ABCA8: variants seen among roughly 807,000 people sequenced by gnomAD.
The protein encoded by ABCA8 is ATP binding cassette subfamily A member 8.
Under a neutral mutation model 192.3 loss-of-function variants are expected in ABCA8, and 177 were observed. The ratio of observed to expected loss-of-function variants is 0.92; its 90% CI spans 0.81 to 1.04. ABCA8 has a LOEUF of 1.04. ABCA8 is among the 50% of genes least tolerant of loss of function. The pLI, the probability that ABCA8 is intolerant of heterozygous loss-of-function variation, is 0.00. For synonymous variants in ABCA8, 642 were observed against 690.2 expected (o/e 0.93, Z 1.09); for missense variants, 1,915 against 1,904.8 (o/e 1.01, Z -0.10).
chr17:68,876,621 C>G lies in ABCA8; in HGVS notation c.4275+7G>C. Reference sequence around the variant, plus strand: ...ACTTGCAGAGCAACACCAAGCCCTGCCCGTACCTTTCTCTTTATTCCCTCT... The same window carrying G: ...ACTTGCAGAGCAACACCAAGCCCTGGCCGTACCTTTCTCTTTATTCCCTCT... On this transcript the variant is annotated splice_region_variant and intron_variant, in intron 34 of 39. Transcript: ENST00000586539. The G allele has an allele frequency of 6.2e-7, 1 of 1,614,158 alleles. No individual in the cohort carries two copies. Among genetic ancestry groups the G allele is most frequent in the Non-Finnish European group, 8.5e-7 (1 of 1,180,014 alleles).
chr17:68,870,848 G>C (rs983906391), intron 37 of ABCA8, among the ~76,000 whole-genome samples: 1 of 152,080 alleles, frequency 6.6e-6, no homozygotes, highest in Non-Finnish European at 1.5e-5. Flanking sequence ...CAGTTCTTTT[G>C]GATACATACC....
At chr17:68,884,511 T>A in intron 27 of ABCA8, 115 bp from the exon 28 acceptor site, 1 of 1,392,390 alleles carries the variant, frequency 7.2e-7, no homozygotes. Flanking sequence ...GAATATCACC[T>A]AAGTGTCCTT....
intron 7 of ABCA8, among the ~76,000 whole-genome samples, chr17:68,930,387 T>C (rs997072042): frequency 6.6e-6 from 1 of 152,236 alleles, no homozygotes; most frequent in African/African-American, 2.4e-5. Flanking sequence ...ATTGTTTTTG[T>C]TAAGAAAGAT....
At chr17:68,891,398 A>G in intron 24 of ABCA8, 91 bp downstream of exon 24, 1 of 835,012 alleles carries the variant, frequency 1.2e-6, no homozygotes, top group Non-Finnish European at 1.9e-6. Flanking sequence ...TGTTCAATTA[A>G]GCATGTAGAA....
intron 21 of ABCA8, among the ~76,000 whole-genome samples, chr17:68,899,049 T>A (rs191256205): frequency 6.6e-6 from 1 of 152,136 alleles, no homozygotes; most frequent in Admixed American, 6.5e-5. Context: ...AAGATGTACA[T>A]TCTAGGCCCA....
At position 68,881,802 on chromosome 17, in the gene ABCA8, T is replaced by TAGGAACC. The variant is rs1465963591; in HGVS notation, c.3946+54_3946+60dup. On this transcript the variant is annotated intron_variant, in intron 31 of 39. Transcript: ENST00000586539. ...AGGTGGTTTCCAGAATAATGCTCAT[T>TAGGAACC]AGGAACCAGGAACCTCTGAGGAGGG... 7 of 1,218,622 alleles carry TAGGAACC rather than the reference T, an allele frequency of 5.7e-6. No individual in the cohort carries two copies. In the East Asian group the frequency reaches 1.6e-4, roughly 28 times the overall value. 75.5% of individuals were successfully genotyped at this position (1,218,622 alleles called of 1,614,324 possible).
At position 68,927,977 on chromosome 17, in the gene ABCA8, C is replaced by T; in HGVS notation, c.1212G>A (p.Met404Ile). Reference protein sequence around the residue: ...GSNLIVATNFMLAFDTCLYLA... With the variant: ...GSNLIVATNFILAFDTCLYLA... ...GATAGAGGCAAGTGTCAAATGCCAA[C>T]ATGAAATTTGTTGCTACAATGAGAT... Residue 404 changes from methionine (M) to isoleucine (I), a missense_variant, in exon 10 of 40, where the codon ATG becomes ATA. Transcript: ENST00000586539. 5 of 1,608,406 alleles carry T rather than the reference C, an allele frequency of 3.1e-6. No homozygotes were observed. Among genetic ancestry groups the T allele is most frequent in the South Asian group, 2.2e-5 (2 of 89,266 alleles).
rs760688352 is a variant in ABCA8 at position 68,907,873 on chromosome 17, C to T, written c.2145G>A (p.Gln715=). The T allele has an allele frequency of 6.4e-7, 1 of 1,562,542 alleles. No individual in the cohort carries two copies. Among genetic ancestry groups the T allele is most frequent in the South Asian group, 1.2e-5 (1 of 80,712 alleles). Residue 715 remains glutamine (Q), a synonymous_variant, in exon 18 of 40, where the codon CAG becomes CAA. Transcript: ENST00000586539. ...KWGIGYHLSL[Q]LNEICVEENI... is the part of the protein sequence containing the mutation. ...TTTCCTCAACACATATTTCATTTAA[C>T]TGCAAGCTGGCATTCAGAAAAAAAA...
In ABCA8 at chr17:68,933,813, T is replaced by G. The variant is rs148530881; in HGVS notation, c.467-542A>C. 1.6e-3 allele frequency among the ~76,000 whole-genome samples: 241 copies of G among 152,308 alleles called. 7 individuals carry two copies. In the South Asian group the frequency reaches 0.045, roughly 29 times the overall value. ...TGTCAGTCCATTTAATAGTAAACTA[T>G]ATTAAAGAGATATCCTTGAATAAGA... is the stretch of plus-strand genomic sequence containing the variant. On this transcript the variant is annotated intron_variant, in intron 5 of 39. Coordinates refer to ENST00000586539, the MANE Select transcript of ABCA8 (RefSeq NM_001288985.2).
intron 21 of ABCA8, among the ~76,000 whole-genome samples, chr17:68,900,065 A>G (rs1486108751): frequency 1.3e-5 from 2 of 152,134 alleles, no homozygotes; most frequent in Admixed American, 1.3e-4. Context: ...GGAACAAGCT[A>G]AACACAAGGC....
intron 10 of ABCA8, among the ~76,000 whole-genome samples, chr17:68,925,250 T>C (rs1393774958): frequency 2.5e-5 from 1 of 40,374 alleles, no homozygotes; most frequent in Admixed American, 2.3e-4. Flanking sequence ...AGAATGACTA[T>C]TGGATACCTT....
chr17:68,896,149 T>G (rs565084763), intron 21 of ABCA8, among the ~76,000 whole-genome samples: 2 of 152,228 alleles, frequency 1.3e-5, no homozygotes, highest in Non-Finnish European at 2.9e-5. Flanking sequence ...TGGAACAGAG[T>G]TTGGGGAAGT....
At position 68,881,854 on chromosome 17, in the gene ABCA8, A is replaced by G. The variant is rs2143293456; in HGVS notation, c.3946+9T>C. On this transcript the variant is annotated intron_variant, in intron 31 of 39. Coordinates refer to ENST00000586539, the MANE Select transcript of ABCA8 (RefSeq NM_001288985.2). The stretch of plus-strand genomic sequence containing the variant: ...TCTGAGCCAGAAGTGGAAGATCCCT[A>G]TGGCCAACCTTTTCTAACACAGAAG... The G allele has an allele frequency of 2.5e-6, 4 of 1,593,188 alleles. No homozygotes were observed. Among genetic ancestry groups the G allele is most frequent in the East Asian group, 4.5e-5 (2 of 44,772 alleles).
intron 17 of ABCA8, among the ~76,000 whole-genome samples, chr17:68,916,536 TA>T (rs933512531): frequency 3.3e-5 from 5 of 152,272 alleles, no homozygotes; most frequent in African/African-American, 1.2e-4. Context: ...AATTAAAAGT[TA>T]AAAGATAGAA....
chr17:68,889,777 A>G (rs557697673), intron 24 of ABCA8, among the ~76,000 whole-genome samples: 1 of 152,306 alleles, frequency 6.6e-6, no homozygotes, highest in South Asian at 2.1e-4. Flanking sequence ...TAAGAATTTT[A>G]TATAAATTAA....
intron 14 of ABCA8, 63 bp from the exon 15 acceptor site, chr17:68,918,609 A>G (rs2067449297): frequency 1.4e-6 from 2 of 1,411,848 alleles, no homozygotes; most frequent in Non-Finnish European, 9.3e-7. Flanking sequence ...AAATTTATAA[A>G]TACAAGGCTG....
chr17:68,924,384 G>A (rs1328219463), intron 11 of ABCA8, among the ~76,000 whole-genome samples: 2 of 150,866 alleles, frequency 1.3e-5, no homozygotes, highest in African/African-American at 4.9e-5. Context: ...TGGGGACAAA[G>A]AGTGAATAAC....
intron 22 of ABCA8, 43 bp from the exon 23 acceptor site, chr17:68,894,353 T>C: frequency 6.5e-7 from 1 of 1,530,418 alleles, no homozygotes; most frequent in Non-Finnish European, 8.8e-7. Flanking sequence ...AATATCTTCA[T>C]TTTGTTCTCT....
At position 68,944,318 on chromosome 17, in the gene ABCA8, ATATATATATAT is replaced by A. The variant is rs2068322328; in HGVS notation, c.-5-2290_-5-2280del. Among the ~76,000 whole-genome samples, 349 of 55,058 alleles carry A rather than the reference ATATATATATAT, an allele frequency of 6.3e-3. 28 individuals are homozygous for A. The highest frequency in any genetic ancestry group is 7.5e-3 in the Non-Finnish European group (182 of 24,306). 36.1% of individuals were successfully genotyped at this position (55,058 alleles called of 152,430 possible). On this transcript the variant is annotated intron_variant, in intron 2 of 39. Coordinates refer to ENST00000586539, the MANE Select transcript of ABCA8 (RefSeq NM_001288985.2). ...CACATGTAGCCCAGAACTTAAAGTT[ATATATATATAT>A]ATATATATATATATATATATATATA...
Sources: gnomAD v4.1 joint callset for allele counts (sites outside exome capture counted in the v4.1 genomes callset) on GRCh38, gnomAD v4.1.1 for gene constraint, MANE v1.5 for transcripts, NCBI Gene and HGNC (gene_info 2026-07-23, HGNC 2026-07-21) for gene names.